The following PTPRD variants were observed in gnomAD, a reference collection of about 807,000 sequenced individuals.
PTPRD encodes the protein receptor-type tyrosine-protein phosphatase delta.
A neutral mutation model predicts 214.5 loss-of-function variants in PTPRD; 34 were observed. The ratio of observed to expected loss-of-function variants is 0.16; its 90% CI spans 0.12 to 0.21. PTPRD has a LOEUF of 0.21. Among genes scored for constraint, PTPRD ranks in the 10% least tolerant of loss-of-function variants. The pLI is 1.00. For synonymous variants in PTPRD, 1,128 were observed against 845.7 expected, an observed-to-expected ratio of 1.33 and a Z score of -5.79; for missense variants, 2,545 against 2,398.7, an observed-to-expected ratio of 1.06 and a Z score of -1.27.
At chr9:10,438,008 CATAT>C (rs71485332) in intron 2 of PTPRD, among the ~76,000 whole-genome samples, 9,227 of 125,178 alleles carry the variant, frequency 0.074, 1,937 homozygotes, top group African/African-American at 0.32. Context: ...CCTAAGTCTA[CATAT>C]ATATATATAT....
intron 3 of PTPRD, among the ~76,000 whole-genome samples, chr9:10,083,841 A>G (rs548821539): frequency 6.1e-4 from 93 of 152,112 alleles, no homozygotes; most frequent in Middle Eastern, 3.4e-3. Flanking sequence ...CTAATGCCAC[A>G]GCTGATCTGA....
At chr9:8,662,108 T>C (rs1205180788) in intron 12 of PTPRD, among the ~76,000 whole-genome samples, 1 of 152,074 alleles carries the variant, frequency 6.6e-6, no homozygotes, top group African/African-American at 2.4e-5. Flanking sequence ...TTCATAGAGC[T>C]TTTCAAAACC....
At chr9:9,072,279 T>C (rs1487752310) in intron 10 of PTPRD, among the ~76,000 whole-genome samples, 4 of 77,386 alleles carry the variant, frequency 5.2e-5, no homozygotes, top group South Asian at 7.5e-4. Context: ...AGCTGGCAAC[T>C]TACACACACA....
chr9:8,978,162 G>C (rs76298863), intron 11 of PTPRD, among the ~76,000 whole-genome samples: 11,723 of 152,004 alleles, frequency 0.077, 778 homozygotes, highest in East Asian at 0.27. Flanking sequence ...CGTAAATTTT[G>C]GGGAAGGGAG....
intron 11 of PTPRD, among the ~76,000 whole-genome samples, chr9:8,985,834 T>C (rs970530471): frequency 2.0e-5 from 3 of 152,026 alleles, no homozygotes; most frequent in African/African-American, 7.2e-5. Flanking sequence ...AAAATACTGG[T>C]TAGAAGATTA....
At chr9:8,972,052 G>C (rs545447736) in intron 11 of PTPRD, among the ~76,000 whole-genome samples, 49 of 151,824 alleles carry the variant, frequency 3.2e-4, no homozygotes, top group Non-Finnish European at 6.0e-4. Flanking sequence ...AGTTCAGAGG[G>C]AAAAAGATAT....
At chr9:10,302,506 T>C (rs901840296) in intron 3 of PTPRD, among the ~76,000 whole-genome samples, 1 of 152,216 alleles carries the variant, frequency 6.6e-6, no homozygotes, top group South Asian at 2.1e-4. Flanking sequence ...TGGTGTGCTG[T>C]ATTCGGGAGA....
chr9:9,351,470 C>CAA (rs527452225), intron 9 of PTPRD, among the ~76,000 whole-genome samples: 1 of 151,938 alleles, frequency 6.6e-6, no homozygotes, highest in African/African-American at 2.4e-5. Context: ...TTTAGTTCTA[C>CAA]AAAACGCAAA....
intron 9 of PTPRD, among the ~76,000 whole-genome samples, chr9:9,388,331 G>C (rs970465669): frequency 6.6e-6 from 1 of 152,050 alleles, no homozygotes; most frequent in Non-Finnish European, 1.5e-5. Context: ...AGGTCTGTGG[G>C]GATGGAGCTT....
intron 11 of PTPRD, among the ~76,000 whole-genome samples, chr9:8,956,258 A>G (rs139040502): frequency 4.0e-4 from 61 of 151,994 alleles, no homozygotes; most frequent in African/African-American, 1.4e-3. Flanking sequence ...AATAAAGTCT[A>G]TCACCTCCTG....
chr9:10,089,720 A>G (rs2098406025), intron 3 of PTPRD, among the ~76,000 whole-genome samples: 4 of 151,666 alleles, frequency 2.6e-5, no homozygotes, highest in Non-Finnish European at 5.9e-5. Context: ...AGTAATTTAA[A>G]TAATTCCCAA....
At chr9:8,441,056 T>C (rs553787997) in intron 34 of PTPRD, among the ~76,000 whole-genome samples, 2 of 152,200 alleles carry the variant, frequency 1.3e-5, no homozygotes, top group South Asian at 4.2e-4. Context: ...ACAGATGGAA[T>C]GGGCTAGGCT....
intron 9 of PTPRD, among the ~76,000 whole-genome samples, chr9:9,244,959 A>G (rs1356838836): frequency 6.6e-6 from 1 of 152,204 alleles, no homozygotes; most frequent in African/African-American, 2.4e-5. Context: ...AAACAACCCC[A>G]TCAAAAAGTG....
At chr9:10,104,335 A>G (rs1378771117) in intron 3 of PTPRD, among the ~76,000 whole-genome samples, 1 of 151,774 alleles carries the variant, frequency 6.6e-6, no homozygotes, top group Non-Finnish European at 1.5e-5. Context: ...TGTTATATAT[A>G]TACATTTTAT....
chr9:9,757,922 T>A (rs943860727), intron 6 of PTPRD, among the ~76,000 whole-genome samples: 1 of 151,844 alleles, frequency 6.6e-6, no homozygotes, highest in African/African-American at 2.4e-5. Context: ...GTGAAGCCAT[T>A]TCCTGGGGGG....
At chr9:10,054,136 A>G (rs2154157435) in intron 3 of PTPRD, among the ~76,000 whole-genome samples, 1 of 152,284 alleles carries the variant, frequency 6.6e-6, no homozygotes, top group South Asian at 2.1e-4. Context: ...TGTCTACTCT[A>G]TTTAAAACTA....
chr9:9,957,824 G>A (rs1480190969), intron 4 of PTPRD, among the ~76,000 whole-genome samples: 2 of 151,928 alleles, frequency 1.3e-5, no homozygotes, highest in Non-Finnish European at 2.9e-5. Flanking sequence ...CCTGGTGTTG[G>A]TGAAACAAAA....
At chr9:10,326,082 T>C (rs2096638011) in intron 3 of PTPRD, among the ~76,000 whole-genome samples, 1 of 151,762 alleles carries the variant, frequency 6.6e-6, no homozygotes, top group Non-Finnish European at 1.5e-5. Context: ...TTCTTTTTTA[T>C]ATAAATATAT....
intron 11 of PTPRD, among the ~76,000 whole-genome samples, chr9:9,000,746 C>T (rs1370934430): frequency 6.6e-6 from 1 of 151,860 alleles, no homozygotes; most frequent in Non-Finnish European, 1.5e-5. Flanking sequence ...TTAAACCTCG[C>T]CAAGCAGAAA....
Sources: allele counts gnomAD v4.1 joint callset (sites outside exome capture counted in the v4.1 genomes callset), GRCh38; gene constraint gnomAD v4.1.1; transcripts MANE v1.5; gene names NCBI Gene and HGNC (gene_info 2026-07-23, HGNC 2026-07-21).